ITIH5: variants seen among roughly 807,000 people sequenced by gnomAD.
ITIH5 encodes inter-alpha-trypsin inhibitor heavy chain H5.
A neutral mutation model predicts 77.5 loss-of-function variants in ITIH5; 65 were observed. The observed-to-expected ratio is 0.84, with a 90% CI of 0.69 to 1.03. ITIH5 has a LOEUF of 1.03. ITIH5 is among the 50% of genes least tolerant of loss of function. The pLI is 0.00. For synonymous variants in ITIH5, 525 were observed against 494.3 expected (o/e 1.06, Z -0.82); for missense variants, 1,208 against 1,213.1 (o/e 1.00, Z 0.06).
intron 7 of ITIH5, 36 bp from the exon 8 acceptor site, chr10:7,586,105 C>T (rs189518854): frequency 8.2e-4 from 1,295 of 1,581,778 alleles, no homozygotes; most frequent in Non-Finnish European, 1.0e-3. Flanking sequence ...GTCACAGCTG[C>T]TCACATAAGT....
chr10:7,608,826 G>A (rs888043022), intron 7 of ITIH5, among the ~76,000 whole-genome samples: 4 of 152,174 alleles, frequency 2.6e-5, no homozygotes, highest in Admixed American at 6.5e-5. Context: ...ATAATAAAAC[G>A]TTGCTCAATA....
chr10:7,589,845 T>A (rs987192808), intron 7 of ITIH5, among the ~76,000 whole-genome samples: 1 of 152,002 alleles, frequency 6.6e-6, no homozygotes, highest in African/African-American at 2.4e-5. Flanking sequence ...TGTTCCCTCC[T>A]TGAAACTCCT....
At chr10:7,605,794 T>C (rs1045726941) in intron 7 of ITIH5, among the ~76,000 whole-genome samples, 2 of 152,234 alleles carry the variant, frequency 1.3e-5, no homozygotes, top group Non-Finnish European at 2.9e-5. Context: ...CTTTGACTTG[T>C]AGTGTTTATC....
intron 11 of ITIH5, chr10:7,570,044 G>C (rs1464172995): frequency 3.1e-6 from 1 of 317,834 alleles, no homozygotes; most frequent in Non-Finnish European, 5.8e-6. Flanking sequence ...ACACACCTCA[G>C]CTCAGTCTAG....
At chr10:7,606,794 A>C (rs1227236437) in intron 7 of ITIH5, among the ~76,000 whole-genome samples, 3 of 152,248 alleles carry the variant, frequency 2.0e-5, no homozygotes, top group African/African-American at 7.2e-5. Context: ...GATATACTTC[A>C]TCCGGGTAAA....
In ITIH5 at chr10:7,563,290, C is replaced by T. The variant is rs543699458; in HGVS notation, c.2622G>A (p.Gly874=). ...THPLLLQVGE[G]PEAVLTVKGH... ...CTTTCACTGTTAGGACGGCCTCAGG[C>T]CCCTCTCCCACCTGAAGGAGCAGAG... The change falls in exon 14 of 14, where the codon GGG becomes GGA. Residue 874 remains glycine, a synonymous_variant. Transcript: ENST00000397146. 2 of 1,614,222 alleles carry T rather than the reference C, an allele frequency of 1.2e-6. No individual in the cohort carries two copies. The highest frequency in any genetic ancestry group is 1.1e-5 in the South Asian group (1 of 91,084).
chr10:7,571,551 G>A (rs1256056466), intron 11 of ITIH5: 1 of 152,100 alleles, frequency 6.6e-6, no homozygotes, highest in Non-Finnish European at 1.5e-5. Context: ...CGAATAGCTG[G>A]GATTACAGGC....
chr10:7,585,580 G>A (rs11255205), intron 8 of ITIH5, among the ~76,000 whole-genome samples: 44,223 of 151,966 alleles, frequency 0.29, 6,824 homozygotes, highest in East Asian at 0.49. Context: ...CCCCAAAACC[G>A]TTTACAAAAA....
rs559724924 is a variant in ITIH5 at position 7,659,883 on chromosome 10, A to G, written c.91-4208T>C. On this transcript the variant is annotated intron_variant, in intron 1 of 13. Transcript: ENST00000397146. ...ATACCATCATCGTTTTTAGTTAAGA[A>G]TTCCTGATCCTTTTTATTGTTTGAG... is the stretch of plus-strand genomic sequence containing the variant. Among the ~76,000 whole-genome samples, 280 of 152,294 alleles carry G rather than the reference A, an allele frequency of 1.8e-3. 1 individual carries two copies. Among genetic ancestry groups the G allele is most frequent in the African/African-American group, 6.4e-3 (264 of 41,560 alleles).
chr10:7,630,966 T>C (rs1228350200), intron 5 of ITIH5, among the ~76,000 whole-genome samples: 1 of 151,692 alleles, frequency 6.6e-6, no homozygotes, highest in Non-Finnish European at 1.5e-5. Flanking sequence ...AGTCCTTCAG[T>C]TTTGATAGAG....
intron 7 of ITIH5, among the ~76,000 whole-genome samples, chr10:7,596,446 T>C (rs1832899150): frequency 6.6e-6 from 1 of 152,164 alleles, no homozygotes; most frequent in African/African-American, 2.4e-5. Flanking sequence ...ACAATGCAGC[T>C]TTTCTCAAAC....
chr10:7,595,028 G>A (rs1213695927), intron 7 of ITIH5, among the ~76,000 whole-genome samples: 2 of 152,222 alleles, frequency 1.3e-5, no homozygotes, highest in Admixed American at 1.3e-4. Context: ...AAGAGGACAA[G>A]CTGCAGACAT....
At position 7,562,351 on chromosome 10, in the gene ITIH5, G is replaced by A. The variant is rs1347495055; in HGVS notation, c.*732C>T. On this transcript the variant is annotated 3_prime_UTR_variant, in exon 14 of 14. Coordinates refer to ENST00000397146, the MANE Select transcript of ITIH5 (RefSeq NM_030569.7). Reference sequence around the variant, plus strand: ...GCCCTTAGCTTATTGGAACAAATTGGAGAATAGCCATTAGCAAAGTCAAGT... The same window carrying A: ...GCCCTTAGCTTATTGGAACAAATTGAAGAATAGCCATTAGCAAAGTCAAGT... 6.6e-6 allele frequency: 1 copy of A among 152,208 alleles called. No homozygotes were observed. Among genetic ancestry groups the A allele is most frequent in the African/African-American group, 2.4e-5 (1 of 41,436 alleles). 9.4% of individuals were successfully genotyped at this position (152,208 alleles called of 1,614,324 possible).
intron 5 of ITIH5, among the ~76,000 whole-genome samples, chr10:7,623,599 C>T (rs570088126): frequency 1.7e-4 from 26 of 151,788 alleles, no homozygotes; most frequent in African/African-American, 5.8e-4. Context: ...GTCAGGAGAT[C>T]GAGACCATCC....
intron 11 of ITIH5, 176 bp from the exon 12 acceptor site, chr10:7,569,960 C>T: frequency 2.0e-6 from 1 of 512,578 alleles, no homozygotes; most frequent in Admixed American, 3.7e-5. Context: ...AAACAACTCC[C>T]CAGAATTACC....
intron 13 of ITIH5, among the ~76,000 whole-genome samples, chr10:7,564,857 A>G (rs1207377461): frequency 6.6e-6 from 1 of 151,204 alleles, no homozygotes; most frequent in Non-Finnish European, 1.5e-5. Context: ...ATATATACAT[A>G]CATACACAGA....
In ITIH5 at chr10:7,579,983, C is replaced by T; in HGVS notation, c.1190G>A (p.Ser397Asn). ...YVAHSGIGDR[S>N]VSLIVFLTDG... Reference sequence around the variant, plus strand: ...CGTCAGGAAGACGATGAGGGACACGCTCCGGTCTCCAATGCCACTGTGGGC... The same window carrying T: ...CGTCAGGAAGACGATGAGGGACACGTTCCGGTCTCCAATGCCACTGTGGGC... The change falls in exon 9 of 14, where the codon AGC (serine) becomes AAC (asparagine). Residue 397 changes from serine (S) to asparagine (N), a missense_variant. By Grantham distance (46) the Ser-to-Asn change is conservative (BLOSUM62 1). Coordinates refer to ENST00000397146, the MANE Select transcript of ITIH5 (RefSeq NM_030569.7). 6.2e-7 allele frequency: 1 copy of T among 1,614,160 alleles called. No individual in the cohort carries two copies. Among genetic ancestry groups the T allele is most frequent in the Non-Finnish European group, 8.5e-7 (1 of 1,180,024 alleles).
intron 2 of ITIH5, among the ~76,000 whole-genome samples, chr10:7,654,956 C>T (rs1834156153): frequency 7.9e-6 from 1 of 125,948 alleles, no homozygotes; most frequent in African/African-American, 3.0e-5. Context: ...GAAAACCAAG[C>T]AAAAAAAAAA....
At chr10:7,581,077 T>G (rs58595835) in intron 8 of ITIH5, among the ~76,000 whole-genome samples, 51,602 of 151,828 alleles carry the variant, frequency 0.34, 8,909 homozygotes, top group Admixed American at 0.42. Flanking sequence ...CTCGCTAACA[T>G]GGCAAAACCC....
Sources: gnomAD v4.1 joint callset for allele counts (sites outside exome capture counted in the v4.1 genomes callset) on GRCh38, gnomAD v4.1.1 for gene constraint, MANE v1.5 for transcripts, NCBI Gene and HGNC (gene_info 2026-07-23, HGNC 2026-07-21) for gene names.